CPAMD8: variants seen among roughly 807,000 people sequenced by gnomAD.
CPAMD8 encodes C3 and PZP like alpha-2-macroglobulin domain containing 8, also known as C3 and PZP-like alpha-2-macroglobulin domain-containing protein 8.
A neutral mutation model predicts 224.7 loss-of-function variants in CPAMD8; 146 were observed. That is an observed-to-expected ratio of 0.65 (90% confidence interval 0.57 to 0.75). The LOEUF is 0.75. CPAMD8 is among the 30% of genes least tolerant of loss of function. The pLI is 0.00. For synonymous variants in CPAMD8, 966 were observed against 1,044.6 expected, an observed-to-expected ratio of 0.92 and a Z score of 1.45; for missense variants, 2,301 against 2,537.5, an observed-to-expected ratio of 0.91 and a Z score of 2.00.
Position 16,976,031 on chromosome 19 carries a change from T to C in CPAMD8, c.1879A>G (p.Arg627Gly). The C allele has an allele frequency of 6.2e-7, 1 of 1,605,470 alleles. No individual in the cohort carries two copies. Among genetic ancestry groups the C allele is most frequent in the Non-Finnish European group, 8.5e-7 (1 of 1,175,664 alleles). ...GCAGGAGTCAGCCGGAACCCAGACC[T>C]GAGCAGGTAGACACTCTTATCAACT... is the stretch of plus-strand genomic sequence containing the variant. ...AAVDKSVYLL[R>G]SGFRLTPAQV... Residue 627 changes from arginine to glycine, a missense_variant, in exon 16 of 42, where the codon AGG becomes GGG. Around this residue, in one of 4 missense-constraint regions of CPAMD8, gnomAD observed 1,709 missense variants for 1,753.2 expected, o/e 0.97. Transcript: ENST00000443236.
chr19:16,978,788 T>G (rs1267087254), intron 14 of CPAMD8, among the ~76,000 whole-genome samples: 3 of 151,750 alleles, frequency 2.0e-5, no homozygotes, highest in Non-Finnish European at 4.4e-5. Flanking sequence ...TATCTATCCA[T>G]CCATCCATCT....
intron 27 of CPAMD8, 50 bp from the exon 28 acceptor site, chr19:16,914,863 C>T (rs978593083): frequency 1.7e-5 from 24 of 1,396,678 alleles, no homozygotes; most frequent in Admixed American, 4.2e-5. Context: ...GGTCAGCCCC[C>T]ACATGCTGGC....
chr19:17,008,527 T>C lies in CPAMD8; in HGVS notation c.537A>G (p.Arg179=), dbSNP rs2056555540. The change falls in exon 7 of 42, where the codon AGA becomes AGG. Residue 179 remains arginine (R), a synonymous_variant. Coordinates refer to ENST00000443236, the MANE Select transcript of CPAMD8 (RefSeq NM_015692.5). Reference sequence around the variant, plus strand: ...TACCGCAGCAGAACGGCTTTAAGTGTCTCCACTCTATCATCCGAGAGCCTC... The same window carrying C: ...TACCGCAGCAGAACGGCTTTAAGTGCCTCCACTCTATCATCCGAGAGCCTC... The part of the protein sequence containing the change: ...DPRGSRMIEW[R]HLKPFCCGIT... The C allele has an allele frequency of 1.2e-6, 2 of 1,613,298 alleles. No individual in the cohort carries two copies. The highest frequency in any genetic ancestry group is 1.7e-6 in the Non-Finnish European group (2 of 1,180,002).
chr19:16,967,418 A>G (rs1269845417), intron 18 of CPAMD8, among the ~76,000 whole-genome samples: 1 of 152,140 alleles, frequency 6.6e-6, no homozygotes, highest in Non-Finnish European at 1.5e-5. Flanking sequence ...CAGCAAACCA[A>G]CATGGGACAT....
At chr19:16,919,939 T>C (rs2053105356) in intron 27 of CPAMD8, among the ~76,000 whole-genome samples, 1 of 152,098 alleles carries the variant, frequency 6.6e-6, no homozygotes, top group African/African-American at 2.4e-5. Context: ...TCCAGGTTCT[T>C]AGAGGGATGT....
intron 13 of CPAMD8, among the ~76,000 whole-genome samples, chr19:16,987,166 AAAAAAAAAAAAAAATATAT>A (rs1205678980): frequency 3.8e-5 from 4 of 104,068 alleles, no homozygotes; most frequent in East Asian, 2.8e-4. Context: ...AAAAAAAAAA[AAAAAAAAAAAAAAATATAT>A]ATATATATAT....
intron 20 of CPAMD8, 65 bp from the exon 21 acceptor site, chr19:16,947,292 C>T: frequency 1.3e-6 from 2 of 1,543,460 alleles, no homozygotes; most frequent in Non-Finnish European, 8.8e-7. Context: ...CCTGGAGGCC[C>T]AACACACATC....
intron 13 of CPAMD8, among the ~76,000 whole-genome samples, chr19:16,988,994 G>A (rs1462904863): frequency 2.0e-5 from 3 of 152,118 alleles, no homozygotes; most frequent in Non-Finnish European, 2.9e-5. Context: ...CCCCTAATGA[G>A]AATCTCATGC....
At chr19:16,978,771 ATCTT>A (rs1357089585) in intron 14 of CPAMD8, among the ~76,000 whole-genome samples, 9 of 151,986 alleles carry the variant, frequency 5.9e-5, no homozygotes, top group East Asian at 3.9e-4. Flanking sequence ...CTATCCACTC[ATCTT>A]TCTATCTATC....
At chr19:16,904,181 AC>A in intron 32 of CPAMD8, 44 bp downstream of exon 32, 1 of 285,566 alleles carries the variant, frequency 3.5e-6, no homozygotes. Flanking sequence ...CAGGGACCCC[AC>A]CCACCCAGCC....
chr19:16,940,828 C>T (rs895677698), intron 22 of CPAMD8, among the ~76,000 whole-genome samples: 1 of 152,240 alleles, frequency 6.6e-6, no homozygotes, highest in Admixed American at 6.5e-5. Context: ...GCCCCAGAAG[C>T]ATTGCTTAGG....
chr19:16,970,789 G>A (rs1279562218), intron 18 of CPAMD8, 102 bp downstream of exon 18: 18 of 1,088,762 alleles, frequency 1.7e-5, no homozygotes, highest in African/African-American at 1.6e-4. Context: ...TAAGCCACTC[G>A]GTCTATGGTC....
At chr19:16,893,456 C>A (rs573185458) in intron 41 of CPAMD8, 117 bp from the exon 42 acceptor site, 2 of 672,380 alleles carry the variant, frequency 3.0e-6, no homozygotes, top group South Asian at 4.0e-5. Flanking sequence ...GGGAACCCAC[C>A]GGCCAGGGCA....
At chr19:16,925,456 C>G in intron 25 of CPAMD8, 84 bp from the exon 26 acceptor site, 1 of 1,118,780 alleles carries the variant, frequency 8.9e-7, no homozygotes, top group Non-Finnish European at 1.3e-6. Context: ...GGATGGGAGA[C>G]AGTGAGTGTC....
At chr19:16,906,884 G>T in intron 30 of CPAMD8, 68 bp downstream of exon 30, 1 of 1,423,264 alleles carries the variant, frequency 7.0e-7, no homozygotes, top group Non-Finnish European at 9.7e-7. Flanking sequence ...ATGTTCATGA[G>T]TTGTTTACCA....
intron 8 of CPAMD8, among the ~76,000 whole-genome samples, chr19:17,003,959 C>T (rs182405225): frequency 4.6e-5 from 7 of 150,806 alleles, no homozygotes; most frequent in South Asian, 2.1e-4. Flanking sequence ...CAGGCTGGAG[C>T]GCAGTAGTGC....
chr19:16,896,565 C>T lies in CPAMD8; in HGVS notation c.5166G>A (p.Pro1722=). 1.3e-6 allele frequency: 2 copies of T among 1,508,750 alleles called. No homozygotes were observed. The highest frequency in any genetic ancestry group is 1.8e-6 in the Non-Finnish European group (2 of 1,135,312). 93.5% of individuals were successfully genotyped at this position (1,508,750 alleles called of 1,614,324 possible). A position where few individuals can be genotyped will look rare whatever the true frequency, so the allele number is the denominator to read the frequency against. ...AGACCACCCCGTCGGAGCCGCACAC[C>T]GGGTTCCCCTGGGCGCCGCAGTCGT... ...CDHDCGAQGN[P]VCGSDGVVYA... Residue 1722 remains proline, a synonymous_variant, in exon 40 of 42, where the codon CCG becomes CCA. Transcript: ENST00000443236.
In CPAMD8 at chr19:17,000,874, G is replaced by A. The variant is rs531853160; in HGVS notation, c.759-352C>T. Reference sequence around the variant, plus strand: ...TGAGCCTAAGCGCCCTATTAAGCTCGACTTTGAACCAAGGACCGAACTTCT... The same window carrying A: ...TGAGCCTAAGCGCCCTATTAAGCTCAACTTTGAACCAAGGACCGAACTTCT... On this transcript the variant is annotated intron_variant, in intron 9 of 41. Transcript: ENST00000443236. Among the ~76,000 whole-genome samples the A allele has an allele frequency of 2.4e-4, 36 of 152,302 alleles. No homozygotes were observed. The South Asian group carries it at 6.6e-3, about 28-fold the overall frequency.
chr19:16,980,600 A>G lies in CPAMD8; in HGVS notation c.1482T>C (p.Ile494=). 1.9e-6 allele frequency: 3 copies of G among 1,612,356 alleles called. No individual in the cohort carries two copies. The South Asian group carries it at 3.3e-5, about 18-fold the overall frequency. ...LYYEVAARGN[I]VLSGQQPAHT... ...GGGCAGGCTGCTGGCCCGATAGCAC[A>G]ATATTGCCCCGTGCAGCCACCTCGT... The change falls in exon 14 of 42, where the codon ATT becomes ATC. Residue 494 remains isoleucine, a synonymous_variant. Coordinates refer to ENST00000443236, the MANE Select transcript of CPAMD8 (RefSeq NM_015692.5).
Sources: allele counts gnomAD v4.1 joint callset (sites outside exome capture counted in the v4.1 genomes callset), GRCh38; gene constraint gnomAD v4.1.1; regional missense constraint gnomAD v4.1.1; transcripts MANE v1.5; gene names NCBI Gene and HGNC (gene_info 2026-07-23, HGNC 2026-07-21).